The following STMN2 variants were observed in gnomAD, a reference collection of about 807,000 sequenced individuals.
STMN2 encodes stathmin-2.
STMN2 carries 2 observed loss-of-function variants against 24.1 expected under a neutral mutation model. The ratio of observed to expected loss-of-function variants is 0.08; its 90% CI spans 0.03 to 0.26. The LOEUF (loss-of-function observed/expected upper bound fraction) is 0.26. STMN2 is among the 10% of genes least tolerant of loss of function. STMN2 has a pLI of 1.00. For synonymous variants in STMN2, 83 were observed against 77.5 expected (o/e 1.07, Z -0.37); for missense variants, 114 against 213.6 (o/e 0.53, Z 2.91).
intron 3 of STMN2, among the ~76,000 whole-genome samples, chr8:79,650,180 T>C (rs1324628513): frequency 6.6e-6 from 1 of 152,236 alleles, no homozygotes; most frequent in African/African-American, 2.4e-5. Context: ...TTTAGTGACC[T>C]TCTATGTTAG....
At chr8:79,613,306 G>T (rs549690600) in intron 1 of STMN2, among the ~76,000 whole-genome samples, 16 of 152,180 alleles carry the variant, frequency 1.1e-4, no homozygotes, top group Admixed American at 7.9e-4. Context: ...CTGGCCGGGT[G>T]GGGGCGCACG....
chr8:79,632,538 T>C (rs1809829935), intron 1 of STMN2, among the ~76,000 whole-genome samples: 1 of 152,214 alleles, frequency 6.6e-6, no homozygotes, highest in Admixed American at 6.5e-5. Flanking sequence ...CACAAGGCCA[T>C]GGTCAGACAT....
intron 3 of STMN2, 78 bp downstream of exon 3, chr8:79,641,628 GCACACACACACACACACACACACACACA>G (rs61386841): frequency 9.3e-6 from 4 of 431,696 alleles, no homozygotes; most frequent in African/African-American, 4.4e-5. Flanking sequence ...ACACATGCAC[GCACACACACACACACACACACACACACA>G]CACACACACA....
At chr8:79,655,116 G>T (rs1810417525) in intron 4 of STMN2, 54 bp downstream of exon 4, 2 of 1,583,368 alleles carry the variant, frequency 1.3e-6, no homozygotes, top group Admixed American at 1.7e-5. Context: ...AGCACAGCTG[G>T]GTGAACTTCC....
intron 1 of STMN2, chr8:79,613,417 G>A: frequency 1.0e-6 from 1 of 985,436 alleles, no homozygotes; most frequent in African/African-American, 1.7e-5. Flanking sequence ...CGGTGCAGCC[G>A]GGGAGACCGG....
intron 3 of STMN2, among the ~76,000 whole-genome samples, chr8:79,648,856 C>T (rs1433122532): frequency 6.6e-6 from 1 of 152,006 alleles, no homozygotes; most frequent in Admixed American, 6.6e-5. Context: ...GTCAGGCCAA[C>T]TAAAAGTGTC....
intron 2 of STMN2, among the ~76,000 whole-genome samples, chr8:79,639,097 C>T (rs967969644): frequency 6.6e-6 from 1 of 152,150 alleles, no homozygotes; most frequent in African/African-American, 2.4e-5. Context: ...GGCCTGCCAG[C>T]CTGGCATTTT....
intron 2 of STMN2, among the ~76,000 whole-genome samples, chr8:79,638,999 T>C (rs960708975): frequency 1.2e-4 from 19 of 152,142 alleles, no homozygotes; most frequent in Admixed American, 1.2e-3. Flanking sequence ...TTTACATTTG[T>C]GAAGGAAAAA....
intron 4 of STMN2, among the ~76,000 whole-genome samples, chr8:79,658,724 T>C (rs941203089): frequency 3.3e-5 from 5 of 152,200 alleles, no homozygotes; most frequent in African/African-American, 7.2e-5. Context: ...ATTAAGAGAA[T>C]TGAGCATTCA....
chr8:79,631,079 G>A (rs1258836470), intron 1 of STMN2, among the ~76,000 whole-genome samples: 8 of 152,156 alleles, frequency 5.3e-5, no homozygotes, highest in African/African-American at 1.4e-4. Context: ...AAGATGTAGC[G>A]GAACTCTCAT....
intron 1 of STMN2, among the ~76,000 whole-genome samples, chr8:79,617,310 T>C (rs929909452): frequency 1.3e-4 from 20 of 152,244 alleles, no homozygotes; most frequent in Non-Finnish European, 2.9e-5. Flanking sequence ...TGGCTGACCA[T>C]GCAGCCATTA....
intron 3 of STMN2, among the ~76,000 whole-genome samples, chr8:79,649,891 A>G (rs1312645588): frequency 6.6e-6 from 1 of 152,194 alleles, no homozygotes; most frequent in Non-Finnish European, 1.5e-5. Flanking sequence ...AAAATGTTAA[A>G]GTGTTCCTAA....
intron 1 of STMN2, among the ~76,000 whole-genome samples, chr8:79,635,012 C>A (rs887416226): frequency 1.3e-5 from 2 of 152,170 alleles, no homozygotes; most frequent in African/African-American, 4.8e-5. Context: ...CATTTTCTAC[C>A]ATTTTCCTTA....
chr8:79,626,314 C>T (rs1386788099), intron 1 of STMN2, among the ~76,000 whole-genome samples: 1 of 152,182 alleles, frequency 6.6e-6, no homozygotes, highest in African/African-American at 2.4e-5. Flanking sequence ...TTTCTCCTTA[C>T]ATAGAGAAGG....
intron 3 of STMN2, among the ~76,000 whole-genome samples, chr8:79,652,628 T>A (rs559267160): frequency 6.6e-6 from 1 of 152,168 alleles, no homozygotes; most frequent in South Asian, 2.1e-4. Context: ...TTGTCACAAG[T>A]GTCTTAAATT....
intron 2 of STMN2, 94 bp from the exon 3 acceptor site, chr8:79,641,284 C>A: frequency 7.4e-7 from 1 of 1,357,726 alleles, no homozygotes; most frequent in Non-Finnish European, 1.0e-6. Context: ...CCCGGAATAA[C>A]AACGCTACTT....
intron 3 of STMN2, among the ~76,000 whole-genome samples, chr8:79,648,791 T>G (rs989780302): frequency 6.6e-6 from 1 of 152,088 alleles, no homozygotes; most frequent in Admixed American, 6.6e-5. Context: ...AAAATATTCT[T>G]TATCAAATTG....
chr8:79,659,508 C>A (rs1052706861), intron 4 of STMN2, among the ~76,000 whole-genome samples: 4 of 152,172 alleles, frequency 2.6e-5, no homozygotes, highest in African/African-American at 9.7e-5. Flanking sequence ...TATGCAGCAT[C>A]CTGCAGAAAA....
intron 2 of STMN2, among the ~76,000 whole-genome samples, chr8:79,640,186 G>A (rs1810063266): frequency 6.6e-6 from 1 of 152,164 alleles, no homozygotes; most frequent in African/African-American, 2.4e-5. Context: ...GCAAAAGAGG[G>A]AAACTCCGTC....
Sources: allele counts gnomAD v4.1 joint callset (sites outside exome capture counted in the v4.1 genomes callset), GRCh38; gene constraint gnomAD v4.1.1; transcripts MANE v1.5; gene names NCBI Gene and HGNC (gene_info 2026-07-23, HGNC 2026-07-21).